Variants in NKAIN2 observed in about 807,000 individuals in gnomAD.
NKAIN2 encodes sodium/potassium-transporting ATPase subunit beta-1-interacting protein 2.
In NKAIN2, 14 loss-of-function variants were observed where a neutral mutation model predicts 32.6. That is an observed-to-expected ratio of 0.43 (90% confidence interval 0.28 to 0.67). NKAIN2 has a LOEUF of 0.67. NKAIN2 is among the 30% of genes least tolerant of loss of function. NKAIN2 has a pLI of 0.17. For missense variants in NKAIN2, 198 were observed against 258.3 expected, an observed-to-expected ratio of 0.77 and a Z score of 1.60; for synonymous variants, 80 against 87.2, an observed-to-expected ratio of 0.92 and a Z score of 0.46.
At chr6:123,819,252 A>T (rs1265708220) in intron 1 of NKAIN2, among the ~76,000 whole-genome samples, 1 of 152,160 alleles carries the variant, frequency 6.6e-6, no homozygotes, top group Non-Finnish European at 1.5e-5. Context: ...AATAGTATCA[A>T]TGCAGAATGA....
At position 124,466,977 on chromosome 6, in the gene NKAIN2, T is replaced by C. The variant is rs976224688; in HGVS notation, c.273+111630T>C. On this transcript the variant is annotated intron_variant, in intron 3 of 6. Transcript: ENST00000368417. ...GATAATAATGCCCTTTTCATAATTA[T>C]AAAAAATATTTTTGTTTAAACAATG... 2.0e-5 allele frequency among the ~76,000 whole-genome samples: 3 copies of C among 152,226 alleles called. No homozygotes were observed. In the South Asian group the frequency reaches 6.2e-4, roughly 32 times the overall value.
chr6:124,712,680 G>A (rs1775557903), intron 4 of NKAIN2, among the ~76,000 whole-genome samples: 1 of 151,776 alleles, frequency 6.6e-6, no homozygotes, highest in East Asian at 1.9e-4. Flanking sequence ...TTCGGCTCGT[G>A]CACGGTGTGC....
chr6:124,624,315 A>C (rs1783219630), intron 3 of NKAIN2, among the ~76,000 whole-genome samples: 1 of 152,142 alleles, frequency 6.6e-6, no homozygotes, highest in Non-Finnish European at 1.5e-5. Flanking sequence ...CCACTCTAGA[A>C]GAATAAGAGC....
intron 1 of NKAIN2, among the ~76,000 whole-genome samples, chr6:124,024,907 A>C (rs569506173): frequency 6.6e-6 from 1 of 152,040 alleles, no homozygotes; most frequent in South Asian, 2.1e-4. Context: ...GAATCGCTTG[A>C]ACTTGGGAGG....
chr6:124,760,976 T>G (rs906888989), intron 4 of NKAIN2, among the ~76,000 whole-genome samples: 3 of 152,188 alleles, frequency 2.0e-5, no homozygotes, highest in Non-Finnish European at 4.4e-5. Flanking sequence ...AACATTTTTT[T>G]GCCTGAATAA....
At chr6:123,900,532 G>GGTTTTTTTTTTTTTTTTTTTT (rs1774516637) in intron 1 of NKAIN2, among the ~76,000 whole-genome samples, 1 of 32,764 alleles carries the variant, frequency 3.1e-5, no homozygotes, top group African/African-American at 5.1e-5. Flanking sequence ...CTCCAGATTA[G>GGTTTTTTTTTTTTTTTTTTTT]TTTTTTTTTT....
chr6:123,987,733 C>G (rs1407889125), intron 1 of NKAIN2, among the ~76,000 whole-genome samples: 2 of 152,108 alleles, frequency 1.3e-5, no homozygotes, highest in East Asian at 3.9e-4. Flanking sequence ...ATCTTCACAG[C>G]CAGTGACAGA....
intron 1 of NKAIN2, among the ~76,000 whole-genome samples, chr6:124,273,017 G>C (rs991774605): frequency 6.6e-6 from 1 of 152,164 alleles, no homozygotes; most frequent in South Asian, 2.1e-4. Context: ...GATTTTACAG[G>C]CTCATAGGTG....
chr6:124,546,845 C>T (rs892802708), intron 3 of NKAIN2, among the ~76,000 whole-genome samples: 1 of 152,138 alleles, frequency 6.6e-6, no homozygotes, highest in African/African-American at 2.4e-5. Context: ...AGGAGAAGAA[C>T]ATCTCAGGCA....
chr6:124,648,559 C>A (rs77182984), intron 3 of NKAIN2, among the ~76,000 whole-genome samples: 2,123 of 152,198 alleles, frequency 0.014, 24 homozygotes, highest in Non-Finnish European at 0.023. Context: ...TGCAAGAGAA[C>A]TGATGATATT....
chr6:124,644,239 A>G (rs1412111492), intron 3 of NKAIN2, among the ~76,000 whole-genome samples: 1 of 152,076 alleles, frequency 6.6e-6, no homozygotes, highest in Non-Finnish European at 1.5e-5. Flanking sequence ...ATAAATTAAC[A>G]CCAAGATTTT....
At chr6:123,938,415 T>C (rs1358633534) in intron 1 of NKAIN2, among the ~76,000 whole-genome samples, 1 of 22,116 alleles carries the variant, frequency 4.5e-5, no homozygotes, top group Non-Finnish European at 7.9e-5. Flanking sequence ...TATATATATA[T>C]ATATATATAT....
At chr6:124,137,905 A>C (rs1786903462) in intron 1 of NKAIN2, among the ~76,000 whole-genome samples, 1 of 152,154 alleles carries the variant, frequency 6.6e-6, no homozygotes. Flanking sequence ...TGAAACCATA[A>C]AAATTCTAGA....
intron 1 of NKAIN2, among the ~76,000 whole-genome samples, chr6:124,255,123 G>C (rs755253735): frequency 5.3e-5 from 8 of 152,134 alleles, no homozygotes; most frequent in Non-Finnish European, 1.2e-4. Context: ...AACTCATTGT[G>C]GCTCATTTCT....
chr6:124,367,178 A>G (rs1004399093), intron 3 of NKAIN2, among the ~76,000 whole-genome samples: 2 of 152,176 alleles, frequency 1.3e-5, no homozygotes, highest in Admixed American at 1.3e-4. Flanking sequence ...AAATAAGCCC[A>G]TTTGATACAT....
At chr6:124,496,205 T>G (rs1778057972) in intron 3 of NKAIN2, among the ~76,000 whole-genome samples, 1 of 152,186 alleles carries the variant, frequency 6.6e-6, no homozygotes, top group South Asian at 2.1e-4. Flanking sequence ...CCTCGTCAAA[T>G]GTGCTTGTGT....
At chr6:124,564,882 C>T (rs1328520570) in intron 3 of NKAIN2, among the ~76,000 whole-genome samples, 4 of 152,240 alleles carry the variant, frequency 2.6e-5, no homozygotes, top group East Asian at 3.9e-4. Context: ...TTTAAATAAA[C>T]GTAAGGTAAA....
chr6:124,495,578 A>G (rs1778032971), intron 3 of NKAIN2, among the ~76,000 whole-genome samples: 1 of 152,160 alleles, frequency 6.6e-6, no homozygotes, highest in Non-Finnish European at 1.5e-5. Flanking sequence ...CAGTTGGTCT[A>G]CTGACCACAC....
chr6:123,999,839 G>T (rs1779797307), intron 1 of NKAIN2, among the ~76,000 whole-genome samples: 1 of 152,140 alleles, frequency 6.6e-6, no homozygotes, highest in Non-Finnish European at 1.5e-5. Flanking sequence ...ATTTGGCAGG[G>T]TCCTTGGGAT....
Sources: gnomAD v4.1 joint callset for allele counts (sites outside exome capture counted in the v4.1 genomes callset) on GRCh38, gnomAD v4.1.1 for gene constraint, MANE v1.5 for transcripts, NCBI Gene and HGNC (gene_info 2026-07-23, HGNC 2026-07-21) for gene names.